HS6ST3: variants seen among roughly 807,000 people sequenced by gnomAD.
The protein encoded by HS6ST3 is heparan sulfate 6-O-sulfotransferase 3, also known as heparan-sulfate 6-O-sulfotransferase 3.
In HS6ST3, 12 loss-of-function variants were observed where a neutral mutation model predicts 36.7. The observed-to-expected ratio is 0.33, with a 90% CI of 0.21 to 0.53. The LOEUF (loss-of-function observed/expected upper bound fraction) is 0.53. HS6ST3 is among the 20% of genes least tolerant of loss of function. The pLI is 0.95. For synonymous variants in HS6ST3, 240 were observed against 257.5 expected (o/e 0.93, Z 0.65); for missense variants, 584 against 640.9 (o/e 0.91, Z 0.96).
At chr13:96,570,964 G>T (rs1306504938) in intron 1 of HS6ST3, among the ~76,000 whole-genome samples, 2 of 152,110 alleles carry the variant, frequency 1.3e-5, no homozygotes, top group Non-Finnish European at 2.9e-5. Context: ...ATGAGAGAAG[G>T]AAGGATGGGA....
chr13:96,408,103 C>A (rs2055488292), intron 1 of HS6ST3, among the ~76,000 whole-genome samples: 3 of 152,218 alleles, frequency 2.0e-5, no homozygotes, highest in East Asian at 3.9e-4. Flanking sequence ...CCATGCCCAG[C>A]TAATTTTTGC....
intron 1 of HS6ST3, among the ~76,000 whole-genome samples, chr13:96,443,529 C>CA (rs10676564): frequency 0.019 from 1,460 of 75,756 alleles, 59 homozygotes; most frequent in African/African-American, 0.046. Context: ...GACTCCGTCT[C>CA]AAAAAAAAAA....
intron 1 of HS6ST3, among the ~76,000 whole-genome samples, chr13:96,163,603 C>G (rs955857756): frequency 3.3e-5 from 5 of 152,044 alleles, no homozygotes; most frequent in African/African-American, 1.2e-4. Flanking sequence ...GTATGTTGAA[C>G]TATAGTGCTC....
At chr13:96,228,599 A>T (rs1424460419) in intron 1 of HS6ST3, among the ~76,000 whole-genome samples, 1 of 152,170 alleles carries the variant, frequency 6.6e-6, no homozygotes, top group African/African-American at 2.4e-5. Flanking sequence ...TTATGCAACC[A>T]TCTAGAAATA....
chr13:96,437,944 A>G (rs558690861), intron 1 of HS6ST3, among the ~76,000 whole-genome samples: 6 of 152,266 alleles, frequency 3.9e-5, no homozygotes, highest in African/African-American at 1.2e-4. Flanking sequence ...AATTCCTTTG[A>G]CAGTCAGAGG....
chr13:96,624,165 A>G lies in HS6ST3; in HGVS notation c.708-208325A>G, dbSNP rs183784013. 1.3e-3 allele frequency among the ~76,000 whole-genome samples: 200 copies of G among 152,274 alleles called. 7 individuals carry two copies. Among genetic ancestry groups the G allele is most frequent in the Admixed American group, 0.013 (196 of 15,300 alleles). ...TATATACATGTACAGGTGTGTGTATATATATATTTCATAAAGAATAATAAT... is the reference window on the plus strand; with the variant it reads ...TATATACATGTACAGGTGTGTGTATGTATATATTTCATAAAGAATAATAAT... On this transcript the variant is annotated intron_variant, in intron 1 of 1. Transcript: ENST00000376705.
intron 1 of HS6ST3, among the ~76,000 whole-genome samples, chr13:96,314,458 A>C (rs2054958289): frequency 6.6e-6 from 1 of 152,236 alleles, no homozygotes; most frequent in South Asian, 2.1e-4. Context: ...TCCCATCATC[A>C]GAAAGAAAAC....
In HS6ST3 at chr13:96,132,956, AT is replaced by A. The variant is rs966334310; in HGVS notation, c.707+41396del. Among the ~76,000 whole-genome samples, 675 of 148,748 alleles carry A rather than the reference AT, an allele frequency of 4.5e-3. 6 individuals carry two copies. Among genetic ancestry groups the A allele is most frequent in the African/African-American group, 0.016 (644 of 40,408 alleles). ...CCTCTTCAGACATGTTTATTTGCCC[AT>A]TTTTTTTTAATCGGGTTATTTGTTT... On this transcript the variant is annotated intron_variant, in intron 1 of 1. Coordinates refer to ENST00000376705, the MANE Select transcript of HS6ST3 (RefSeq NM_153456.4).
At chr13:96,126,448 C>T (rs1228662748) in intron 1 of HS6ST3, among the ~76,000 whole-genome samples, 1 of 152,074 alleles carries the variant, frequency 6.6e-6, no homozygotes, top group Non-Finnish European at 1.5e-5. Context: ...TTTACTAAGA[C>T]AGTTGTAGGT....
chr13:96,652,679 A>C (rs946708641), intron 1 of HS6ST3, among the ~76,000 whole-genome samples: 26 of 152,140 alleles, frequency 1.7e-4, no homozygotes, highest in Non-Finnish European at 2.8e-4. Context: ...TATGAATGGA[A>C]GATTGGATTC....
chr13:96,090,452 C>G lies in HS6ST3; in HGVS notation c.-411C>G, dbSNP rs1368440010. Among the ~76,000 whole-genome samples the G allele has an allele frequency of 6.8e-6, 1 of 146,482 alleles. No homozygotes were observed. The highest frequency in any genetic ancestry group is 2.4e-5 in the African/African-American group (1 of 40,888). ...GCAGCCCCGGCGCTCGCGGCCGCAG[C>G]TACCCGGCTGCCCGGCTGCGCGCGG... is the stretch of plus-strand genomic sequence containing the variant. On this transcript the variant is annotated 5_prime_UTR_variant, in exon 1 of 2. Coordinates refer to ENST00000376705, the MANE Select transcript of HS6ST3 (RefSeq NM_153456.4).
intron 1 of HS6ST3, among the ~76,000 whole-genome samples, chr13:96,496,609 T>C (rs2055978275): frequency 6.6e-6 from 1 of 152,106 alleles, no homozygotes; most frequent in Non-Finnish European, 1.5e-5. Context: ...TTTCCAACCA[T>C]TCCAGGTGGG....
At chr13:96,666,662 A>T (rs924051565) in intron 1 of HS6ST3, among the ~76,000 whole-genome samples, 1 of 152,254 alleles carries the variant, frequency 6.6e-6, no homozygotes. Context: ...AACGATATGA[A>T]CCATAGAAGT....
At chr13:96,832,299 T>C (rs991225070) in intron 1 of HS6ST3, among the ~76,000 whole-genome samples, 191 bp from the exon 2 acceptor site, 2 of 152,300 alleles carry the variant, frequency 1.3e-5, no homozygotes, top group East Asian at 3.9e-4. Flanking sequence ...AAACTCAGTA[T>C]TGAAAATTGG....
intron 1 of HS6ST3, among the ~76,000 whole-genome samples, chr13:96,675,163 A>G (rs1223112481): frequency 6.6e-6 from 1 of 152,130 alleles, no homozygotes; most frequent in East Asian, 1.9e-4. Context: ...ATATACATGC[A>G]CAAATACACC....
chr13:96,141,467 C>T (rs2054031748), intron 1 of HS6ST3, among the ~76,000 whole-genome samples: 1 of 152,110 alleles, frequency 6.6e-6, no homozygotes, highest in African/African-American at 2.4e-5. Context: ...GATCCTCCCA[C>T]CTCAGCCTCC....
chr13:96,781,414 A>G (rs925979110), intron 1 of HS6ST3, among the ~76,000 whole-genome samples: 1 of 152,222 alleles, frequency 6.6e-6, no homozygotes, highest in South Asian at 2.1e-4. Flanking sequence ...TCTACATAGC[A>G]GGCTTGAGCC....
At chr13:96,530,138 C>A (rs2056129783) in intron 1 of HS6ST3, among the ~76,000 whole-genome samples, 1 of 150,838 alleles carries the variant, frequency 6.6e-6, no homozygotes. Context: ...GTCAGTGGAC[C>A]AACTGCATAG....
chr13:96,192,065 C>T (rs1878015378), intron 1 of HS6ST3, among the ~76,000 whole-genome samples: 1 of 152,132 alleles, frequency 6.6e-6, no homozygotes. Context: ...CCAGTGCATA[C>T]TCAGGAGCCA....
Sources: allele counts gnomAD v4.1 joint callset (sites outside exome capture counted in the v4.1 genomes callset), GRCh38; gene constraint gnomAD v4.1.1; transcripts MANE v1.5; gene names NCBI Gene and HGNC (gene_info 2026-07-23, HGNC 2026-07-21).